Variants in PLXNA4 observed in about 807,000 individuals in gnomAD.
PLXNA4 encodes the protein plexin-A4.
A neutral mutation model predicts 191.8 loss-of-function variants in PLXNA4; 44 were observed. The observed-to-expected ratio is 0.23, with a 90% confidence interval of 0.18 to 0.29. PLXNA4 has a LOEUF of 0.29. Ranked by LOEUF, PLXNA4 falls within the 10% of genes least tolerant of loss-of-function variation. The probability of loss-of-function intolerance (pLI) is 1.00; values close to 1 mark genes in which losing one functional copy is unlikely to be tolerated. For synonymous variants in PLXNA4, 1,082 were observed against 1,009.5 expected (o/e 1.07, Z -1.36); for missense variants, 1,800 against 2,488.8 (o/e 0.72, Z 5.89).
chr7:132,422,570 G>C lies in PLXNA4; in HGVS notation c.1371+66722C>G, dbSNP rs1359439229. Among the ~76,000 whole-genome samples the C allele has an allele frequency of 2.0e-5, 3 of 152,198 alleles. No homozygotes were observed. In the East Asian group the frequency reaches 5.8e-4, roughly 29 times the overall value. ...TCCAGCAGTAATTCATCCAGAGACA[G>C]ATTCGTGTTGGCCATATCTAATGGC... On this transcript the variant is annotated intron_variant, in intron 3 of 31. Coordinates refer to ENST00000321063, the MANE Select transcript of PLXNA4 (RefSeq NM_020911.2).
chr7:132,148,003 C>G lies in PLXNA4; in HGVS notation c.4765-4G>C. 6.2e-7 allele frequency: 1 copy of G among 1,614,126 alleles called. No homozygotes were observed. Among genetic ancestry groups the G allele is most frequent in the Non-Finnish European group, 8.5e-7 (1 of 1,180,022 alleles). On this transcript the variant is annotated splice_region_variant and splice_polypyrimidine_tract_variant and intron_variant, in intron 26 of 31. Coordinates refer to ENST00000321063, the MANE Select transcript of PLXNA4 (RefSeq NM_020911.2). Reference sequence around the variant, plus strand: ...CCACCACGGAACCATCTGGCACCTACAGGGAAAAAGCTTCTCAGGGCCTAG... The same window carrying G: ...CCACCACGGAACCATCTGGCACCTAGAGGGAAAAAGCTTCTCAGGGCCTAG...
At chr7:132,234,907 A>G (rs1436027918) in intron 5 of PLXNA4, among the ~76,000 whole-genome samples, 1 of 152,122 alleles carries the variant, frequency 6.6e-6, no homozygotes, top group African/African-American at 2.4e-5. Flanking sequence ...GCCCTAGGAG[A>G]GATCAGTGAC....
At chr7:132,523,289 C>A (rs978852443) in intron 1 of PLXNA4, among the ~76,000 whole-genome samples, 1 of 152,216 alleles carries the variant, frequency 6.6e-6, no homozygotes, top group Non-Finnish European at 1.5e-5. Flanking sequence ...GCAAGCGTGA[C>A]CTCAGAGAGA....
rs375174014 is a variant in PLXNA4, at chr7:132,338,203, G to A, written c.1372-39981C>T. On this transcript the variant is annotated intron_variant, in intron 3 of 31. Transcript: ENST00000321063. Reference sequence around the variant, plus strand: ...AGGATGGAAGGCTATTTTGTGTCTTGTAAAAAGCACTGGATCAGGAATCAG... The same window carrying A: ...AGGATGGAAGGCTATTTTGTGTCTTATAAAAAGCACTGGATCAGGAATCAG... 4.6e-5 allele frequency among the ~76,000 whole-genome samples: 7 copies of A among 152,284 alleles called. No homozygotes were observed. In the East Asian group the frequency reaches 7.7e-4, roughly 17 times the overall value.
At chr7:132,512,208 T>G (rs1798743412) in intron 1 of PLXNA4, among the ~76,000 whole-genome samples, 2 of 152,236 alleles carry the variant, frequency 1.3e-5, no homozygotes, top group Non-Finnish European at 1.5e-5. Flanking sequence ...AGGAGAGAAC[T>G]TCGCACAGTC....
chr7:132,468,072 G>A (rs956489585), intron 3 of PLXNA4, among the ~76,000 whole-genome samples: 11 of 152,150 alleles, frequency 7.2e-5, no homozygotes, highest in Non-Finnish European at 1.6e-4. Flanking sequence ...GTGTGACCGA[G>A]TTGGAATAAA....
At chr7:132,345,187 T>C (rs2116768650) in intron 3 of PLXNA4, among the ~76,000 whole-genome samples, 1 of 152,328 alleles carries the variant, frequency 6.6e-6, no homozygotes, top group South Asian at 2.1e-4. Context: ...CTTAACACAT[T>C]ACGGCTGGTT....
intron 14 of PLXNA4, among the ~76,000 whole-genome samples, chr7:132,192,166 C>T (rs1797112564): frequency 6.6e-6 from 1 of 152,248 alleles, no homozygotes; most frequent in Middle Eastern, 3.4e-3. Context: ...AAGGTTTGGC[C>T]CTGACCATGT....
At chr7:132,606,522 G>C (rs914590956) in intron 2 of PLXNA4, among the ~76,000 whole-genome samples, 1 of 152,210 alleles carries the variant, frequency 6.6e-6, no homozygotes, top group Non-Finnish European at 1.5e-5. Flanking sequence ...GCAGTTTTCT[G>C]CATTCACCTA....
intron 29 of PLXNA4, among the ~76,000 whole-genome samples, chr7:132,142,581 T>C (rs1020719613): frequency 6.6e-6 from 1 of 152,226 alleles, no homozygotes; most frequent in Non-Finnish European, 1.5e-5. Context: ...ATTAAGTTCC[T>C]ACAAAGTGTG....
intron 3 of PLXNA4, among the ~76,000 whole-genome samples, chr7:132,400,057 C>T (rs1355294079): frequency 6.6e-6 from 1 of 152,042 alleles, no homozygotes. Context: ...CCTCCCTTAC[C>T]CCACGCCAGT....
At chr7:132,484,883 G>C (rs544303937) in intron 3 of PLXNA4, 1 of 1,614,166 alleles carries the variant, frequency 6.2e-7, no homozygotes, top group African/African-American at 1.3e-5. Context: ...ATCTGATATT[G>C]CTTTGTGACT....
intron 2 of PLXNA4, among the ~76,000 whole-genome samples, chr7:132,632,235 CAAAAAAAAA>C (rs398006359): frequency 1.3e-5 from 1 of 78,662 alleles, no homozygotes; most frequent in African/African-American, 4.7e-5. Flanking sequence ...GACTCCATCT[CAAAAAAAAA>C]AAAAAAAAAA....
intron 4 of PLXNA4, among the ~76,000 whole-genome samples, chr7:132,294,409 A>G (rs1801002390): frequency 6.6e-6 from 1 of 152,210 alleles, no homozygotes; most frequent in Admixed American, 6.5e-5. Flanking sequence ...TCTCATGAGG[A>G]CAGAGCATAT....
At chr7:132,510,926 G>C (rs535797964) in intron 1 of PLXNA4, among the ~76,000 whole-genome samples, 16 of 152,220 alleles carry the variant, frequency 1.1e-4, no homozygotes, top group Non-Finnish European at 2.2e-4. Flanking sequence ...GGGAAGTTGA[G>C]ACTGAAATGC....
chr7:132,614,730 T>G (rs1395392233), intron 2 of PLXNA4, among the ~76,000 whole-genome samples: 2 of 152,162 alleles, frequency 1.3e-5, no homozygotes, highest in African/African-American at 2.4e-5. Flanking sequence ...TCCAAGAAAT[T>G]TGGTACTAGT....
intron 3 of PLXNA4, among the ~76,000 whole-genome samples, chr7:132,483,165 G>A (rs1270025927): frequency 6.6e-6 from 1 of 152,170 alleles, no homozygotes; most frequent in African/African-American, 2.4e-5. Flanking sequence ...CAACTCATGG[G>A]CTGTGAATTG....
rs1004375944 is a variant in PLXNA4 at position 132,229,974 on chromosome 7, T to C, written c.1605-1505A>G. 2.0e-5 allele frequency among the ~76,000 whole-genome samples: 3 copies of C among 152,188 alleles called. No individual in the cohort carries two copies. The South Asian group carries it at 6.2e-4, about 32-fold the overall frequency. On this transcript the variant is annotated intron_variant, in intron 5 of 31. Coordinates refer to ENST00000321063, the MANE Select transcript of PLXNA4 (RefSeq NM_020911.2). Reference sequence around the variant, plus strand: ...AATCTAGCAAATGAAGGAGAAATCATTGAAGGCCATGGACTGAAGCTGTCC... The same window carrying C: ...AATCTAGCAAATGAAGGAGAAATCACTGAAGGCCATGGACTGAAGCTGTCC...
chr7:132,295,591 C>T (rs1204814387), intron 4 of PLXNA4, among the ~76,000 whole-genome samples: 3 of 152,142 alleles, frequency 2.0e-5, no homozygotes, highest in African/African-American at 7.2e-5. Flanking sequence ...CTGCTTTGCC[C>T]TGAGCTCTAT....
Sources: gnomAD v4.1 joint callset for allele counts (sites outside exome capture counted in the v4.1 genomes callset) on GRCh38, gnomAD v4.1.1 for gene constraint, MANE v1.5 for transcripts, NCBI Gene and HGNC (gene_info 2026-07-23, HGNC 2026-07-21) for gene names.